Variants in IPO8 observed in about 807,000 individuals in gnomAD.
IPO8 encodes importin 8, also known as importin-8.
A neutral mutation model predicts 141.2 loss-of-function variants in IPO8; 65 were observed. The observed-to-expected ratio is 0.46, with a 90% CI of 0.38 to 0.57. The LOEUF is 0.57. Ranked by LOEUF, IPO8 falls within the 20% of genes least tolerant of loss-of-function variation. The pLI, the probability that IPO8 is intolerant of heterozygous loss-of-function variation, is 0.00. For synonymous variants in IPO8, 411 were observed against 420.3 expected (o/e 0.98, Z 0.27); for missense variants, 980 against 1,246.8 (o/e 0.79, Z 3.22).
chr12:30,674,589 A>G, intron 7 of IPO8, 70 bp downstream of exon 7: 2 of 1,153,894 alleles, frequency 1.7e-6, no homozygotes, highest in Non-Finnish European at 2.6e-6. Context: ...GGTGGCTCTA[A>G]AGACAGATAA....
chr12:30,690,008 C>T (rs918374613), intron 2 of IPO8, among the ~76,000 whole-genome samples: 3 of 152,130 alleles, frequency 2.0e-5, no homozygotes, highest in African/African-American at 4.8e-5. Flanking sequence ...CATGAAACAA[C>T]GTAAGATCCC....
intron 10 of IPO8, among the ~76,000 whole-genome samples, chr12:30,666,721 A>G (rs1454760123): frequency 6.6e-6 from 1 of 152,200 alleles, no homozygotes; most frequent in Non-Finnish European, 1.5e-5. Flanking sequence ...AAATAGGGTA[A>G]AGAGACAGAG....
chr12:30,633,293 T>C, intron 23 of IPO8, among the ~76,000 whole-genome samples: 1 of 152,188 alleles, frequency 6.6e-6, no homozygotes, highest in East Asian at 1.9e-4. Flanking sequence ...ACCCTCATAA[T>C]GGTAAAAACA....
chr12:30,635,184 T>C (rs1168889668), intron 22 of IPO8, among the ~76,000 whole-genome samples: 4 of 152,068 alleles, frequency 2.6e-5, no homozygotes, highest in Non-Finnish European at 4.4e-5. Flanking sequence ...ATGGGAATGT[T>C]GGTAAAAGGG....
rs745677911 is a variant in IPO8, at chr12:30,630,980, G to C, written c.3017-23C>G. 9 of 1,580,042 alleles carry C rather than the reference G, an allele frequency of 5.7e-6. No homozygotes were observed. In the African/African-American group the frequency reaches 9.5e-5, roughly 17 times the overall value. ...CCTCTAGCATTTTTCAAAAGAAAAG[G>C]GGAGAAGAAAAAAAAAGAATGCTTA... On this transcript the variant is annotated intron_variant, in intron 24 of 24. Transcript: ENST00000256079.
rs1207660664 is a variant in IPO8, at chr12:30,634,254, C to T, written c.2728G>A (p.Val910Ile). ...EISSDEEETN[V>I]TAQAMQSNNG... ...TTTGACTGCATTGCTTGAGCAGTTA[C>T]ATTTGTCTCCTCTTCATCACTTGAA... Residue 910 changes from valine (V) to isoleucine (I), a missense_variant, in exon 23 of 25, where the codon GTA becomes ATA. Around this residue, in one of 3 missense-constraint regions of IPO8, gnomAD observed 924 missense variants for 1,153.9 expected, o/e 0.80. Coordinates refer to ENST00000256079, the MANE Select transcript of IPO8 (RefSeq NM_006390.4). 3 of 1,613,686 alleles carry T rather than the reference C, an allele frequency of 1.9e-6. No individual in the cohort carries two copies. Among genetic ancestry groups the T allele is most frequent in the African/African-American group, 2.7e-5 (2 of 74,918 alleles).
rs145748588 is a variant in IPO8 at position 30,667,894 on chromosome 12, A to G, written c.1144+1289T>C. On this transcript the variant is annotated intron_variant, in intron 10 of 24. Transcript: ENST00000256079. ...TATGAAAGAAGTAAACACTAAAAGA[A>G]TGCCTTGCAAGGCAAGAGGATCACT... is the stretch of plus-strand genomic sequence containing the variant. Among the ~76,000 whole-genome samples, 238 of 152,288 alleles carry G rather than the reference A, an allele frequency of 1.6e-3. 2 individuals are homozygous for G. Among genetic ancestry groups the G allele is most frequent in the African/African-American group, 5.4e-3 (224 of 41,550 alleles).
intron 16 of IPO8, among the ~76,000 whole-genome samples, chr12:30,659,860 A>T (rs539984923): frequency 1.1e-5 from 1 of 87,854 alleles, no homozygotes; most frequent in African/African-American, 3.4e-5. Flanking sequence ...GTCTCAAAAC[A>T]AAAAAAAAAA....
At chr12:30,689,777 T>C (rs2053274204) in intron 2 of IPO8, among the ~76,000 whole-genome samples, 1 of 152,230 alleles carries the variant, frequency 6.6e-6, no homozygotes, top group Non-Finnish European at 1.5e-5. Context: ...ACTTCCTTCT[T>C]TGTATTCTTC....
chr12:30,691,046 T>C (rs2053286830), intron 1 of IPO8, among the ~76,000 whole-genome samples: 1 of 152,226 alleles, frequency 6.6e-6, no homozygotes, highest in African/African-American at 2.4e-5. Flanking sequence ...ATTTGCTTTA[T>C]TCTTAATAAA....
intron 5 of IPO8, among the ~76,000 whole-genome samples, chr12:30,679,411 C>T (rs144657919): frequency 8.7e-4 from 133 of 152,234 alleles, no homozygotes; most frequent in African/African-American, 3.2e-3. Context: ...TTTCATTAGC[C>T]TTTGTCTTAC....
At chr12:30,678,077 A>G (rs1161122452) in intron 5 of IPO8, among the ~76,000 whole-genome samples, 1 of 150,154 alleles carries the variant, frequency 6.7e-6, no homozygotes, top group African/African-American at 2.4e-5. Context: ...GTGAGCCGAG[A>G]TTGTGCCACT....
chr12:30,631,955 C>T lies in IPO8; in HGVS notation c.2956G>A (p.Asp986Asn). The T allele has an allele frequency of 6.2e-7, 1 of 1,613,150 alleles. No individual in the cohort carries two copies. Among genetic ancestry groups the T allele is most frequent in the Non-Finnish European group, 8.5e-7 (1 of 1,179,954 alleles). ...YQLLMAPLSE[D>N]QRTALQEVYT... is the part of the protein sequence containing the mutation. ...ACCTCCTGCAGTGCTGTCCTCTGAT[C>T]CTCGCTGAGTGGTGCCATCAGCAGC... Residue 986 changes from aspartate to asparagine, a missense_variant, in exon 24 of 25, where the codon GAT becomes AAT. Asp to Asn is a conservative substitution (Grantham distance 23, BLOSUM62 1). Coordinates refer to ENST00000256079, the MANE Select transcript of IPO8 (RefSeq NM_006390.4).
At chr12:30,663,437 G>A in intron 14 of IPO8, 52 bp downstream of exon 14, 2 of 1,476,004 alleles carry the variant, frequency 1.4e-6, no homozygotes, top group Non-Finnish European at 1.9e-6. Context: ...CATTAGGGAA[G>A]AAAGTAAATG....
rs569994273 is a variant in IPO8 at position 30,680,546 on chromosome 12, T to G, written c.575A>C (p.Asp192Ala). The G allele has an allele frequency of 6.2e-7, 1 of 1,612,616 alleles. No homozygotes were observed. The highest frequency in any genetic ancestry group is 1.1e-5 in the South Asian group (1 of 90,966). ...IQQQIVQLLP[D>A]SSYYSVLLQK... Reference sequence around the variant, plus strand: ...CAGTAATACAGAATAATAGGAGGAATCAGGAAGGAGCTGAACAATTTGTTG... The same window carrying G: ...CAGTAATACAGAATAATAGGAGGAAGCAGGAAGGAGCTGAACAATTTGTTG... The change falls in exon 5 of 25, where the codon GAT (aspartate) becomes GCT (alanine). Residue 192 changes from aspartate to alanine, a missense_variant. This residue lies in a region of IPO8 where 924 missense variants were observed against 1,153.9 expected (regional missense o/e 0.80). Transcript: ENST00000256079.
chr12:30,630,726 T>C lies in IPO8; in HGVS notation c.*134A>G. On this transcript the variant is annotated 3_prime_UTR_variant, in exon 25 of 25. Transcript: ENST00000256079. ...AAGGGGAAAGAGTAGATAAAAGTGC[T>C]GCCTAATGCCAGATGGTAACTGGCA... is the stretch of plus-strand genomic sequence containing the variant. 1.5e-6 allele frequency: 1 copy of C among 659,684 alleles called. No homozygotes were observed. Among genetic ancestry groups the C allele is most frequent in the Non-Finnish European group, 2.7e-6 (1 of 373,264 alleles). The allele number at this position is 659,684 out of a possible 1,614,324, so 40.9% of individuals were successfully genotyped here. A position where few individuals can be genotyped will look rare whatever the true frequency, so the allele number is the denominator to read the frequency against.
At position 30,629,299 on chromosome 12, in the gene IPO8, T is replaced by C. The variant is rs952091757; in HGVS notation, c.*1561A>G. The stretch of plus-strand genomic sequence containing the variant: ...GAGTTTGAAAGCTCTCTAAAATTTC[T>C]CCCAATGCCATCTTTCGCTTCTAAC... On this transcript the variant is annotated 3_prime_UTR_variant, in exon 25 of 25. Coordinates refer to ENST00000256079, the MANE Select transcript of IPO8 (RefSeq NM_006390.4). 1 of 152,218 alleles carries C rather than the reference T, an allele frequency of 6.6e-6. No individual in the cohort carries two copies. The highest frequency in any genetic ancestry group is 1.5e-5 in the Non-Finnish European group (1 of 68,042). The allele number at this position is 152,218 out of a possible 1,614,324, so 9.4% of individuals were successfully genotyped here.
At chr12:30,644,622 T>C (rs1437203254) in intron 20 of IPO8, among the ~76,000 whole-genome samples, 8 of 148,538 alleles carry the variant, frequency 5.4e-5, no homozygotes, top group Admixed American at 5.3e-4. Flanking sequence ...ACCTCAAAGA[T>C]GTACTTTGCT....
At chr12:30,694,077 T>C (rs2053315703) in intron 1 of IPO8, among the ~76,000 whole-genome samples, 1 of 152,116 alleles carries the variant, frequency 6.6e-6, no homozygotes, top group South Asian at 2.1e-4. Context: ...TGTAACCTGA[T>C]ATCAAAGGAA....
Sources: gnomAD v4.1 joint callset for allele counts (sites outside exome capture counted in the v4.1 genomes callset) on GRCh38, gnomAD v4.1.1 for gene constraint, gnomAD v4.1.1 regional missense constraint, MANE v1.5 for transcripts, NCBI Gene and HGNC (gene_info 2026-07-23, HGNC 2026-07-21) for gene names.